The following SAXO2 variants were observed in gnomAD, a reference collection of about 807,000 sequenced individuals.
SAXO2 encodes stabilizer of axonemal microtubules 2.
A neutral mutation model predicts 18.7 loss-of-function variants in SAXO2; 17 were observed. The observed-to-expected ratio is 0.91, with a 90% confidence interval of 0.62 to 1.36. SAXO2 has a LOEUF of 1.36. SAXO2 is among the 40% of genes most tolerant of loss of function. The pLI is 0.00. For missense variants in SAXO2, 486 were observed against 562.6 expected, an observed-to-expected ratio of 0.86 and a Z score of 1.38; for synonymous variants, 163 against 181.2, an observed-to-expected ratio of 0.90 and a Z score of 0.81.
chr15:82,277,355 ATAT>A (rs2075324297), intron 3 of SAXO2, among the ~76,000 whole-genome samples: 1 of 151,850 alleles, frequency 6.6e-6, no homozygotes, highest in Non-Finnish European at 1.5e-5. Context: ...CATTAAAAAG[ATAT>A]TATTTTAAAA....
chr15:82,267,845 A>G (rs1343083625), intron 2 of SAXO2, among the ~76,000 whole-genome samples: 1 of 152,206 alleles, frequency 6.6e-6, no homozygotes, highest in African/African-American at 2.4e-5. Flanking sequence ...TGCAGACTCC[A>G]GAGCTCTATC....
At chr15:82,269,165 G>A (rs2075247116) in intron 2 of SAXO2, among the ~76,000 whole-genome samples, 1 of 152,172 alleles carries the variant, frequency 6.6e-6, no homozygotes, top group African/African-American at 2.4e-5. Flanking sequence ...TGTGCTGACA[G>A]ATATTACAAT....
At chr15:82,270,435 A>G (rs764232306) in intron 2 of SAXO2, among the ~76,000 whole-genome samples, 4 of 152,228 alleles carry the variant, frequency 2.6e-5, no homozygotes, top group Non-Finnish European at 4.4e-5. Flanking sequence ...CACATGGAAG[A>G]CATTGTGAAC....
intron 2 of SAXO2, among the ~76,000 whole-genome samples, chr15:82,268,750 AG>A (rs2075243009): frequency 6.6e-6 from 1 of 152,242 alleles, no homozygotes; most frequent in Non-Finnish European, 1.5e-5. Flanking sequence ...GTTGGCAGGA[AG>A]CCTGCCCTGA....
At chr15:82,275,616 T>C (rs945948921) in intron 3 of SAXO2, among the ~76,000 whole-genome samples, 5 of 152,132 alleles carry the variant, frequency 3.3e-5, no homozygotes, top group Non-Finnish European at 7.4e-5. Context: ...GCAAGGATGG[T>C]CCAACATATG....
intron 3 of SAXO2, among the ~76,000 whole-genome samples, chr15:82,281,642 C>G (rs188257554): frequency 1.2e-4 from 18 of 152,166 alleles, no homozygotes; most frequent in African/African-American, 4.3e-4. Context: ...CTCTCCAAAG[C>G]AAGGAGTAAT....
intron 1 of SAXO2, chr15:82,263,240 G>C (rs1247377760): frequency 6.8e-7 from 1 of 1,477,172 alleles, no homozygotes; most frequent in Non-Finnish European, 9.0e-7. Flanking sequence ...TGAGTAGTGG[G>C]ATGTGATCCG....
At chr15:82,265,892 C>CT in intron 2 of SAXO2, 144 bp downstream of exon 2, 5 of 448,108 alleles carry the variant, frequency 1.1e-5, no homozygotes, top group Non-Finnish European at 1.8e-5. Context: ...TAAGTCACAA[C>CT]TTGAAAAAAA....
At chr15:82,279,981 T>A (rs1383711812) in intron 3 of SAXO2, among the ~76,000 whole-genome samples, 3 of 152,184 alleles carry the variant, frequency 2.0e-5, no homozygotes, top group East Asian at 1.9e-4. Context: ...AGGGCGATAG[T>A]GGAGCTGCCA....
chr15:82,269,794 A>G (rs1189377021), intron 2 of SAXO2, among the ~76,000 whole-genome samples: 1 of 152,214 alleles, frequency 6.6e-6, no homozygotes, highest in East Asian at 1.9e-4. Flanking sequence ...AAAACTTTGC[A>G]TATTATGGTG....
chr15:82,267,044 GTGTTAAGTATAAAAA>G (rs1356859967), intron 2 of SAXO2, among the ~76,000 whole-genome samples: 1 of 152,126 alleles, frequency 6.6e-6, no homozygotes, highest in Non-Finnish European at 1.5e-5. Flanking sequence ...TACAATCTTA[GTGTTAAGTATAAAAA>G]TGTCAAGTTT....
chr15:82,264,847 T>C (rs2141358200), intron 1 of SAXO2: 6 of 657,388 alleles, frequency 9.1e-6, no homozygotes, highest in South Asian at 8.3e-5. Flanking sequence ...GTTGCCTCTA[T>C]TATGTTCCAT....
chr15:82,272,652 CCA>C (rs2075283299), intron 3 of SAXO2, among the ~76,000 whole-genome samples: 1 of 152,036 alleles, frequency 6.6e-6, no homozygotes. Context: ...AGCAATTCTC[CCA>C]CCTCAGCCTC....
intron 3 of SAXO2, among the ~76,000 whole-genome samples, chr15:82,280,407 T>C (rs181065264): frequency 3.5e-4 from 54 of 152,270 alleles, no homozygotes; most frequent in African/African-American, 1.0e-3. Context: ...TTCAATAACA[T>C]CTATGATTCC....
chr15:82,274,837 C>T (rs1258458084), intron 3 of SAXO2, among the ~76,000 whole-genome samples: 1 of 151,612 alleles, frequency 6.6e-6, no homozygotes, highest in Non-Finnish European at 1.5e-5. Flanking sequence ...ATAGAAATAT[C>T]TCAAATTAAC....
chr15:82,282,973 C>A lies in SAXO2; in HGVS notation c.1288C>A (p.Pro430Thr), dbSNP rs753966372. 9 of 1,614,106 alleles carry A rather than the reference C, an allele frequency of 5.6e-6. No individual in the cohort carries two copies. In the Admixed American group the frequency reaches 1.5e-4, roughly 27 times the overall value. Residue 430 changes from proline to threonine, a missense_variant, in exon 4 of 4, where the codon CCC becomes ACC. Pro to Thr is a conservative substitution (Grantham distance 38). Coordinates refer to ENST00000682753, the MANE Select transcript of SAXO2 (RefSeq NM_001348699.2). ...ACAGGAAATTTGCCCAGCCAGCTAT[C>A]CCTCTCCTCCAGGTTATATTTTCGA... Reference protein sequence around the residue: ...KRQEICPASYPSPPGYIFDNT... With the variant: ...KRQEICPASYTSPPGYIFDNT...
At chr15:82,264,749 C>T (rs771350919) in intron 1 of SAXO2, 5 of 702,100 alleles carry the variant, frequency 7.1e-6, no homozygotes, top group Non-Finnish European at 1.0e-5. Flanking sequence ...CAGAATCACT[C>T]GTCTCTTCCA....
At chr15:82,281,669 C>T (rs558274700) in intron 3 of SAXO2, among the ~76,000 whole-genome samples, 5 of 152,106 alleles carry the variant, frequency 3.3e-5, no homozygotes, top group African/African-American at 1.2e-4. Context: ...ATTACTTTTG[C>T]CCACCCATGA....
In SAXO2 at chr15:82,262,839, A is replaced by C. The variant is rs927396185; in HGVS notation, c.-41A>C. Reference sequence around the variant, plus strand: ...CCTTGACTACGGCGGGCGCTGTGGGAGTGGAGAAGCTGCAAGTGCTGAGGC... The same window carrying C: ...CCTTGACTACGGCGGGCGCTGTGGGCGTGGAGAAGCTGCAAGTGCTGAGGC... On this transcript the variant is annotated 5_prime_UTR_variant, in exon 1 of 4. Transcript: ENST00000682753. The C allele has an allele frequency of 6.5e-7, 1 of 1,549,720 alleles. No homozygotes were observed. The highest frequency in any genetic ancestry group is 8.7e-7 in the Non-Finnish European group (1 of 1,146,956).
Sources: gnomAD v4.1 joint callset for allele counts (sites outside exome capture counted in the v4.1 genomes callset) on GRCh38, gnomAD v4.1.1 for gene constraint, MANE v1.5 for transcripts, NCBI Gene and HGNC (gene_info 2026-07-23, HGNC 2026-07-21) for gene names.